Variants in NCAM2 observed in about 807,000 individuals in gnomAD.
NCAM2 encodes the protein neural cell adhesion molecule 2, also known as N-CAM-2.
In NCAM2, 30 loss-of-function variants were observed where a neutral mutation model predicts 98.1. The observed-to-expected ratio is 0.31, with a 90% CI of 0.23 to 0.41. NCAM2 has a LOEUF of 0.41. Ranked by LOEUF, NCAM2 falls within the 10% of genes least tolerant of loss-of-function variation. The pLI is 1.00. For missense variants in NCAM2, 867 were observed against 1,005.8 expected, an observed-to-expected ratio of 0.86 and a Z score of 1.87; for synonymous variants, 368 against 342.4, an observed-to-expected ratio of 1.07 and a Z score of -0.83.
At chr21:21,409,517 A>G (rs2076813728) in intron 9 of NCAM2, among the ~76,000 whole-genome samples, 1 of 152,180 alleles carries the variant, frequency 6.6e-6, no homozygotes, top group African/African-American at 2.4e-5. Context: ...TCTTCAAAAT[A>G]ATTTATAGAA....
chr21:21,071,787 G>A (rs959596227), intron 1 of NCAM2, among the ~76,000 whole-genome samples: 9 of 151,790 alleles, frequency 5.9e-5, no homozygotes, highest in Admixed American at 2.0e-4. Flanking sequence ...AAATATCTGC[G>A]GAAAAAAGGG....
At chr21:21,501,480 T>A (rs2146335979) in intron 15 of NCAM2, among the ~76,000 whole-genome samples, 1 of 152,046 alleles carries the variant, frequency 6.6e-6, no homozygotes, top group East Asian at 1.9e-4. Context: ...AAATATGGAC[T>A]TGAAGTATAA....
At chr21:21,322,625 T>TTGTAATTCA (rs2074405369) in intron 5 of NCAM2, among the ~76,000 whole-genome samples, 3 of 152,164 alleles carry the variant, frequency 2.0e-5, no homozygotes, top group Non-Finnish European at 4.4e-5. Flanking sequence ...TGAGTGGAGT[T>TTGTAATTCA]AGTTTTCCTT....
At chr21:21,198,220 G>C (rs2069083456) in intron 1 of NCAM2, among the ~76,000 whole-genome samples, 2 of 108,770 alleles carry the variant, frequency 1.8e-5, no homozygotes, top group South Asian at 6.0e-4. Flanking sequence ...GTGTGTGTGT[G>C]TGTGTGTGTA....
At chr21:21,210,686 G>A in intron 1 of NCAM2, 1 of 1,248,072 alleles carries the variant, frequency 8.0e-7, no homozygotes, top group Non-Finnish European at 1.0e-6. Flanking sequence ...ACTTATTACA[G>A]GACAGGTCAG....
intron 1 of NCAM2, among the ~76,000 whole-genome samples, chr21:21,275,753 C>G (rs2072705772): frequency 6.6e-6 from 1 of 152,140 alleles, no homozygotes; most frequent in Non-Finnish European, 1.5e-5. Flanking sequence ...TTCTTTGCCA[C>G]AGGTAAACTT....
In NCAM2 at chr21:20,998,742, G is replaced by C. The variant is rs910821180; in HGVS notation, c.55+124G>C. The stretch of plus-strand genomic sequence containing the variant: ...TAAAGTTACAGTTATTGCTGTTGTT[G>C]TTATTATTATTTTCGTTCTTTCTCC... On this transcript the variant is annotated intron_variant, in intron 1 of 17. Transcript: ENST00000400546. The C allele has an allele frequency of 2.1e-5, 20 of 939,956 alleles. No individual in the cohort carries two copies. In the African/African-American group the frequency reaches 2.8e-4, roughly 13 times the overall value. The allele number at this position is 939,956 out of a possible 1,614,324, so 58.2% of individuals were successfully genotyped here.
intron 9 of NCAM2, among the ~76,000 whole-genome samples, chr21:21,380,877 A>G (rs750199458): frequency 6.6e-6 from 1 of 152,008 alleles, no homozygotes; most frequent in Non-Finnish European, 1.5e-5. Context: ...GTCTTTATGA[A>G]TATCCCCTTT....
chr21:21,360,137 G>A (rs2075606010), intron 8 of NCAM2, among the ~76,000 whole-genome samples: 1 of 151,836 alleles, frequency 6.6e-6, no homozygotes, highest in Non-Finnish European at 1.5e-5. Context: ...CAGTGCGTAA[G>A]ATAATACTGC....
chr21:21,225,222 CAG>C (rs2070332759), intron 1 of NCAM2, among the ~76,000 whole-genome samples: 1 of 151,994 alleles, frequency 6.6e-6, no homozygotes, highest in Non-Finnish European at 1.5e-5. Flanking sequence ...CACGTTGACA[CAG>C]GGCGGGGAAC....
intron 1 of NCAM2, among the ~76,000 whole-genome samples, chr21:21,047,831 C>A (rs2065030949): frequency 6.6e-6 from 1 of 151,956 alleles, no homozygotes; most frequent in South Asian, 2.1e-4. Context: ...TGCCCAAATT[C>A]CTCCTTAAGA....
At chr21:21,420,861 G>T (rs955278926) in intron 11 of NCAM2, among the ~76,000 whole-genome samples, 3 of 151,746 alleles carry the variant, frequency 2.0e-5, no homozygotes, top group African/African-American at 7.2e-5. Context: ...TAAATTATAA[G>T]AAAATGAAGT....
chr21:21,432,064 C>T, intron 11 of NCAM2, 44 bp from the exon 12 acceptor site: 1 of 1,574,718 alleles, frequency 6.4e-7, no homozygotes, highest in Non-Finnish European at 8.7e-7. Flanking sequence ...AATGGCCATT[C>T]CCATTCCCTT....
At chr21:21,134,148 A>G (rs555182289) in intron 1 of NCAM2, among the ~76,000 whole-genome samples, 1 of 150,862 alleles carries the variant, frequency 6.6e-6, no homozygotes, top group East Asian at 2.0e-4. Flanking sequence ...GGCTCACTGC[A>G]ACCTCCGCCT....
At chr21:21,203,457 G>A (rs577415921) in intron 1 of NCAM2, among the ~76,000 whole-genome samples, 66 of 152,254 alleles carry the variant, frequency 4.3e-4, no homozygotes, top group African/African-American at 1.6e-3. Context: ...GTTTTTGCCT[G>A]TACAAAGTTC....
chr21:21,007,367 G>T lies in NCAM2; in HGVS notation c.55+8749G>T, dbSNP rs192332849. On this transcript the variant is annotated intron_variant, in intron 1 of 17. Transcript: ENST00000400546. ...GGATTCTTGGATCTTGCACAAGAAA[G>T]AATTCAGGGCAAGTCCATAGAGTAA... 3.8e-3 allele frequency among the ~76,000 whole-genome samples: 581 copies of T among 152,276 alleles called. 5 individuals carry two copies. Among genetic ancestry groups the T allele is most frequent in the African/African-American group, 0.013 (540 of 41,544 alleles).
chr21:21,458,546 A>G (rs73324892), intron 12 of NCAM2, among the ~76,000 whole-genome samples: 9,156 of 152,238 alleles, frequency 0.06, 383 homozygotes, highest in African/African-American at 0.11. Flanking sequence ...GATAGACCTC[A>G]GAGAGCTGCT....
chr21:21,317,157 A>G (rs934624277), intron 5 of NCAM2, among the ~76,000 whole-genome samples: 1 of 152,102 alleles, frequency 6.6e-6, no homozygotes, highest in African/African-American at 2.4e-5. Flanking sequence ...TGGACACATT[A>G]TCCCCCTCTC....
intron 1 of NCAM2, among the ~76,000 whole-genome samples, chr21:21,172,001 G>T (rs562040382): frequency 6.8e-4 from 104 of 152,188 alleles, no homozygotes; most frequent in African/African-American, 2.5e-3. Flanking sequence ...TAAATTTTAT[G>T]TCTTTTATCC....
Sources: gnomAD v4.1 joint callset for allele counts (sites outside exome capture counted in the v4.1 genomes callset) on GRCh38, gnomAD v4.1.1 for gene constraint, MANE v1.5 for transcripts, NCBI Gene and HGNC (gene_info 2026-07-23, HGNC 2026-07-21) for gene names.